The following NRG1 variants were observed in gnomAD, a reference collection of about 807,000 sequenced individuals.
NRG1 encodes pro-neuregulin-1, membrane-bound isoform.
Under a neutral mutation model 63.8 loss-of-function variants are expected in NRG1, and 18 were observed. That is an observed-to-expected ratio of 0.28 (90% CI 0.19 to 0.42). The LOEUF is 0.42. NRG1 is among the 10% of genes least tolerant of loss of function. The probability of loss-of-function intolerance (pLI) is 1.00; values close to 1 mark genes in which losing one functional copy is unlikely to be tolerated. For synonymous variants in NRG1, 302 were observed against 301.3 expected, an observed-to-expected ratio of 1.00 and a Z score of -0.02; for missense variants, 762 against 814.7, an observed-to-expected ratio of 0.94 and a Z score of 0.79.
At chr8:31,803,335 G>A (rs760288067) in intron 1 of NRG1, among the ~76,000 whole-genome samples, 6 of 152,168 alleles carry the variant, frequency 3.9e-5, no homozygotes, top group Admixed American at 1.3e-4. Context: ...TGGGAAAATG[G>A]AGGGTCACAG....
At chr8:32,149,324 T>G (rs1837241922) in intron 1 of NRG1, among the ~76,000 whole-genome samples, 1 of 152,218 alleles carries the variant, frequency 6.6e-6, no homozygotes. Context: ...CCCATCTTAG[T>G]TGGCCTCTTC....
intron 1 of NRG1, among the ~76,000 whole-genome samples, chr8:32,352,207 A>G (rs1478780728): frequency 6.6e-6 from 1 of 150,646 alleles, no homozygotes; most frequent in Non-Finnish European, 1.5e-5. Context: ...CACTGGCCTT[A>G]CTGAAGTAGA....
chr8:32,759,323 C>T (rs764753340), exon 10 of NRG1: 10 of 1,613,458 alleles, frequency 6.2e-6, no homozygotes, highest in South Asian at 3.3e-5. Flanking sequence ...TATCTAAAAA[C>T]GTCATCTCCA....
chr8:32,730,823 G>T (rs1048487312), intron 6 of NRG1, among the ~76,000 whole-genome samples: 1 of 152,070 alleles, frequency 6.6e-6, no homozygotes, highest in African/African-American at 2.4e-5. Context: ...GGGAAACCTT[G>T]TTATTTTTTC....
intron 1 of NRG1, among the ~76,000 whole-genome samples, chr8:32,275,644 G>A (rs563059955): frequency 5.9e-5 from 9 of 152,278 alleles, no homozygotes; most frequent in African/African-American, 2.2e-4. Flanking sequence ...AGAGAGTAGA[G>A]GGAGTTGAGG....
intron 1 of NRG1, among the ~76,000 whole-genome samples, chr8:32,092,499 A>G (rs1202688808): frequency 6.6e-6 from 1 of 151,818 alleles, no homozygotes; most frequent in Non-Finnish European, 1.5e-5. Context: ...AAAAAATAGA[A>G]ATAGTATATG....
chr8:32,701,673 T>C (rs1240687867), intron 5 of NRG1, among the ~76,000 whole-genome samples: 2 of 152,236 alleles, frequency 1.3e-5, no homozygotes, highest in Non-Finnish European at 2.9e-5. Context: ...TGATTCACTT[T>C]CTAACTTGAC....
At chr8:31,656,524 A>C (rs1029780542) in intron 1 of NRG1, among the ~76,000 whole-genome samples, 1 of 152,232 alleles carries the variant, frequency 6.6e-6, no homozygotes, top group Non-Finnish European at 1.5e-5. Context: ...TTATCTGGAC[A>C]TAAGTAGCAC....
At chr8:32,244,319 A>G (rs1357147332) in intron 1 of NRG1, among the ~76,000 whole-genome samples, 1 of 152,182 alleles carries the variant, frequency 6.6e-6, no homozygotes. Flanking sequence ...TTATATTTAG[A>G]AATTATCGAG....
Position 31,672,408 on chromosome 8 carries a change from G to A in NRG1, c.37+32977G>A, listed in dbSNP as rs1033201350. Among the ~76,000 whole-genome samples the A allele has an allele frequency of 5.3e-5, 8 of 152,036 alleles. No homozygotes were observed. In the East Asian group the frequency reaches 5.8e-4, roughly 11 times the overall value. On this transcript the variant is annotated intron_variant, in intron 1 of 10. Transcript: ENST00000519301. The stretch of plus-strand genomic sequence containing the variant: ...AAGATGGAATGCAGATAGTTTCACC[G>A]AAGCCATGAGTGTGATAAAGGCTAT...
At chr8:31,999,541 G>A (rs945659850) in intron 1 of NRG1, among the ~76,000 whole-genome samples, 22 of 152,044 alleles carry the variant, frequency 1.4e-4, no homozygotes, top group African/African-American at 5.3e-4. Context: ...TTAGACAGGA[G>A]GGATTGTGGC....
chr8:32,091,068 A>G (rs1829061125), intron 1 of NRG1, among the ~76,000 whole-genome samples: 1 of 152,206 alleles, frequency 6.6e-6, no homozygotes, highest in Non-Finnish European at 1.5e-5. Flanking sequence ...TCACGAGGTC[A>G]GGAGATCGAG....
intron 1 of NRG1, among the ~76,000 whole-genome samples, chr8:31,888,573 G>A (rs1009498731): frequency 2.0e-5 from 3 of 151,900 alleles, no homozygotes; most frequent in Non-Finnish European, 4.4e-5. Context: ...ATAGGTCAGT[G>A]CATTTTTTTC....
chr8:32,682,389 G>A (rs993664985), intron 5 of NRG1, among the ~76,000 whole-genome samples: 21 of 152,188 alleles, frequency 1.4e-4, no homozygotes, highest in African/African-American at 4.8e-4. Flanking sequence ...CAGGTTTGTG[G>A]TTTTCAATAT....
intron 1 of NRG1, among the ~76,000 whole-genome samples, chr8:32,423,262 C>A (rs1243336085): frequency 3.3e-5 from 5 of 152,220 alleles, no homozygotes; most frequent in Admixed American, 3.3e-4. Context: ...CCTCACACTT[C>A]ATCAGAGGCC....
chr8:31,750,934 G>C (rs1362630682), intron 1 of NRG1, among the ~76,000 whole-genome samples: 2 of 151,888 alleles, frequency 1.3e-5, no homozygotes, highest in African/African-American at 4.8e-5. Flanking sequence ...ATTGGAATTT[G>C]TGTATTCTAA....
chr8:31,794,235 CCTT>C (rs1332756895), intron 1 of NRG1, among the ~76,000 whole-genome samples: 3 of 152,070 alleles, frequency 2.0e-5, no homozygotes, highest in Admixed American at 6.6e-5. Context: ...AGCAGCTCCT[CCTT>C]CTTTCTCTCT....
At chr8:32,068,659 C>T (rs768562500) in intron 1 of NRG1, among the ~76,000 whole-genome samples, 7 of 152,170 alleles carry the variant, frequency 4.6e-5, no homozygotes, top group Admixed American at 3.9e-4. Context: ...AAAAAGTCCT[C>T]TACAAAAACC....
intron 1 of NRG1, among the ~76,000 whole-genome samples, chr8:32,533,560 T>C (rs114733243): frequency 0.014 from 2,102 of 152,192 alleles, 44 homozygotes; most frequent in African/African-American, 0.047. Flanking sequence ...TTTGAACAAA[T>C]TTTATTTTTA....
Sources: allele counts gnomAD v4.1 joint callset (sites outside exome capture counted in the v4.1 genomes callset), GRCh38; gene constraint gnomAD v4.1.1; transcripts MANE v1.5; gene names NCBI Gene and HGNC (gene_info 2026-07-23, HGNC 2026-07-21).